The following GLYATL2 variants were observed in gnomAD, a reference collection of about 807,000 sequenced individuals.
The protein encoded by GLYATL2 is glycine N-acyltransferase-like protein 2.
In GLYATL2, 25 loss-of-function variants were observed where a neutral mutation model predicts 21.4. The observed-to-expected ratio is 1.17, with a 90% CI of 0.85 to 1.63. GLYATL2 has a LOEUF of 1.63. Among genes scored for constraint, GLYATL2 ranks in the 40% most tolerant of loss-of-function variants. The probability of loss-of-function intolerance (pLI) is 0.00; values close to 1 mark genes in which losing one functional copy is unlikely to be tolerated. For synonymous variants in GLYATL2, 114 were observed against 118.2 expected, an observed-to-expected ratio of 0.96 and a Z score of 0.23; for missense variants, 361 against 343.3, an observed-to-expected ratio of 1.05 and a Z score of -0.41.
chr11:58,863,898 G>A (rs2134596817), intron 1 of GLYATL2, among the ~76,000 whole-genome samples: 1 of 152,332 alleles, frequency 6.6e-6, no homozygotes, highest in Middle Eastern at 3.4e-3. Context: ...GCTGGAGGAT[G>A]GGAACATAGG....
At chr11:58,861,313 G>C (rs1401115017) in intron 1 of GLYATL2, among the ~76,000 whole-genome samples, 2 of 150,994 alleles carry the variant, frequency 1.3e-5, no homozygotes, top group Non-Finnish European at 3.0e-5. Flanking sequence ...CATCTTGGTG[G>C]GTTTTATGCA....
chr11:58,835,873 T>C (rs1290065775), intron 5 of GLYATL2, among the ~76,000 whole-genome samples: 1 of 152,228 alleles, frequency 6.6e-6, no homozygotes, highest in Admixed American at 6.5e-5. Context: ...TTTATCATTT[T>C]CCCTGTGTAT....
intron 1 of GLYATL2, among the ~76,000 whole-genome samples, chr11:58,885,211 CACAG>C (rs1235326377): frequency 1.3e-5 from 2 of 152,206 alleles, no homozygotes; most frequent in African/African-American, 4.8e-5. Flanking sequence ...CAAGCTAGTG[CACAG>C]TAGCTCTTTG....
chr11:58,847,617 G>A (rs1943291), upstream of GLYATL2, among the ~76,000 whole-genome samples: 134,948 of 152,174 alleles, frequency 0.89, 61,015 homozygotes, highest in Non-Finnish European at 0.98. Flanking sequence ...GAAAGAAAAG[G>A]CAAAAGTGGG....
upstream of GLYATL2, among the ~76,000 whole-genome samples, chr11:58,909,056 T>C (rs1331766714): frequency 6.6e-6 from 1 of 152,208 alleles, no homozygotes; most frequent in African/African-American, 2.4e-5. Flanking sequence ...CACTATTTTG[T>C]TCAAAATATG....
chr11:58,867,290 C>T (rs621584), intron 1 of GLYATL2, among the ~76,000 whole-genome samples: 130,345 of 148,498 alleles, frequency 0.88, 59,156 homozygotes, highest in Non-Finnish European at 0.98. Context: ...TACAATTGTT[C>T]TACTCACAAG....
chr11:58,847,214 A>T (rs1853659408), upstream of GLYATL2, among the ~76,000 whole-genome samples: 1 of 152,148 alleles, frequency 6.6e-6, no homozygotes, highest in Non-Finnish European at 1.5e-5. Context: ...TACATTGAGG[A>T]CCTTGCGTGA....
At chr11:58,871,386 A>G (rs1474639894) in intron 1 of GLYATL2, among the ~76,000 whole-genome samples, 1 of 151,466 alleles carries the variant, frequency 6.6e-6, no homozygotes, top group Admixed American at 6.6e-5. Context: ...TGCACCCATT[A>G]ACTCATCATT....
rs1328175542 is a variant in GLYATL2, at chr11:58,839,667, A to C, written c.-40-15T>G. The C allele has an allele frequency of 7.9e-7, 1 of 1,270,952 alleles. No individual in the cohort carries two copies. Among genetic ancestry groups the C allele is most frequent in the Non-Finnish European group, 1.1e-6 (1 of 888,462 alleles). 78.7% of individuals were successfully genotyped at this position (1,270,952 alleles called of 1,614,324 possible). On this transcript the variant is annotated splice_polypyrimidine_tract_variant and intron_variant, in intron 1 of 5. Transcript: ENST00000287275. ...AAGAAGATGATCTAAGGAAATAAAC[A>C]CAAAAACAAAAATACCTAGAGAGAT...
intron 1 of GLYATL2, among the ~76,000 whole-genome samples, chr11:58,857,041 A>G (rs543674755): frequency 7.5e-4 from 114 of 152,338 alleles, no homozygotes; most frequent in African/African-American, 2.5e-3. Flanking sequence ...ACATATATGC[A>G]GTAGGGATTG....
chr11:58,874,238 C>G (rs956940270), intron 1 of GLYATL2, among the ~76,000 whole-genome samples: 1 of 152,054 alleles, frequency 6.6e-6, no homozygotes, highest in Non-Finnish European at 1.5e-5. Flanking sequence ...TTCAAAAAAC[C>G]AGCTCCTGGA....
chr11:58,857,261 A>G (rs1442616732), intron 1 of GLYATL2, among the ~76,000 whole-genome samples: 1 of 144,324 alleles, frequency 6.9e-6, no homozygotes, highest in African/African-American at 2.5e-5. Flanking sequence ...TTTCTTGATA[A>G]TGAGTACTGT....
At position 58,860,600 on chromosome 11, in the gene GLYATL2, C is replaced by T. The variant is rs538530221; in HGVS notation, n.61-22232G>A. On this transcript the variant is annotated intron_variant and non_coding_transcript_variant, in intron 1 of 4. Coordinates refer to the GLYATL2 transcript ENST00000533636. Reference sequence around the variant, plus strand: ...ATTTGGATGCTTTTTATTTTTTTCTCTTGCCTAATTGCTCTGAGTAGAACT... The same window carrying T: ...ATTTGGATGCTTTTTATTTTTTTCTTTTGCCTAATTGCTCTGAGTAGAACT... Among the ~76,000 whole-genome samples, 4 of 152,106 alleles carry T rather than the reference C, an allele frequency of 2.6e-5. No homozygotes were observed. In the East Asian group the frequency reaches 5.8e-4, roughly 22 times the overall value.
chr11:58,855,053 T>C (rs1478903845), intron 1 of GLYATL2, among the ~76,000 whole-genome samples: 1 of 152,196 alleles, frequency 6.6e-6, no homozygotes, highest in Non-Finnish European at 1.5e-5. Flanking sequence ...TCTGCAAGGA[T>C]TGGAATCACC....
chr11:58,857,596 G>A (rs1453979531), intron 1 of GLYATL2, among the ~76,000 whole-genome samples: 1 of 152,226 alleles, frequency 6.6e-6, no homozygotes, highest in South Asian at 2.1e-4. Context: ...CAGGACACAC[G>A]CGTGAACCAC....
chr11:58,858,764 G>A (rs139093332), intron 1 of GLYATL2, among the ~76,000 whole-genome samples: 123 of 152,190 alleles, frequency 8.1e-4, no homozygotes, highest in African/African-American at 2.8e-3. Context: ...GTGAACTTCC[G>A]TGTCCCTGAT....
chr11:58,894,157 G>A (rs1460284463), intron 1 of GLYATL2, among the ~76,000 whole-genome samples: 1 of 152,142 alleles, frequency 6.6e-6, no homozygotes, highest in Admixed American at 6.5e-5. Context: ...CTGCAAGTAT[G>A]GTTATAAGTT....
chr11:58,905,849 T>A (rs952328548), upstream of GLYATL2, among the ~76,000 whole-genome samples: 6 of 152,236 alleles, frequency 3.9e-5, no homozygotes, highest in Non-Finnish European at 7.3e-5. Flanking sequence ...CTTCAATCAC[T>A]GTCTGGAGTG....
chr11:58,835,034 G>A (rs1296701198), intron 5 of GLYATL2, among the ~76,000 whole-genome samples, 197 bp from the exon 6 acceptor site: 3 of 152,158 alleles, frequency 2.0e-5, no homozygotes, highest in Non-Finnish European at 2.9e-5. Flanking sequence ...TGTGTTTTAC[G>A]GCCCATTTAA....
Sources: gnomAD v4.1 joint callset for allele counts (sites outside exome capture counted in the v4.1 genomes callset) on GRCh38, gnomAD v4.1.1 for gene constraint, MANE v1.5 for transcripts, NCBI Gene and HGNC (gene_info 2026-07-23, HGNC 2026-07-21) for gene names.